Variants in ADCK5 observed in about 807,000 individuals in gnomAD.
ADCK5 encodes the protein aarF domain containing kinase 5.
ADCK5 carries 43 observed loss-of-function variants against 64.9 expected under a neutral mutation model. That is an observed-to-expected ratio of 0.66 (90% CI 0.52 to 0.85). The LOEUF is 0.85. Among genes scored for constraint, ADCK5 ranks in the 40% least tolerant of loss-of-function variants. The pLI is 0.00. For missense variants in ADCK5, 760 were observed against 810.5 expected (o/e 0.94, Z 0.76); for synonymous variants, 434 against 342.8 (o/e 1.27, Z -2.94).
Position 144,383,191 on chromosome 8 carries a change from G to T in ADCK5, c.227G>T (p.Arg76Met). ...YVMAEAREKR[R>M]MRLVVDGMGR... Reference sequence around the variant, plus strand: ...ATGGCAGAGGCACGGGAGAAGAGGAGGATGCGGCTCGTGGTGGATGGCATG... The same window carrying T: ...ATGGCAGAGGCACGGGAGAAGAGGATGATGCGGCTCGTGGTGGATGGCATG... The change falls in exon 3 of 15, where the codon AGG becomes ATG. Residue 76 changes from arginine (R) to methionine (M), a missense_variant. By Grantham distance (91) the Arg-to-Met change is moderately conservative. Transcript: ENST00000308860. 1 of 1,600,860 alleles carries T rather than the reference G, an allele frequency of 6.2e-7. No homozygotes were observed. The highest frequency in any genetic ancestry group is 8.5e-7 in the Non-Finnish European group (1 of 1,173,112).
In ADCK5 at chr8:144,392,468, C is replaced by T; in HGVS notation, c.1291C>T (p.Leu431Phe). ...AGACTACCTCCTGTTCGCCGAGATG[C>T]TCATGCAGCGCCCCGTGCGCCTGGG... is the stretch of plus-strand genomic sequence containing the variant. ...VQDYLLFAEM[L>F]MQRPVRLGQL... Residue 431 changes from leucine to phenylalanine, a missense_variant, in exon 13 of 15, where the codon CTC becomes TTC. By Grantham distance (22) the Leu-to-Phe change is conservative (BLOSUM62 0). Transcript: ENST00000308860. 7.9e-7 allele frequency: 1 copy of T among 1,269,322 alleles called. No homozygotes were observed. The highest frequency in any genetic ancestry group is 1.0e-6 in the Non-Finnish European group (1 of 975,918). The allele number at this position is 1,269,322 out of a possible 1,614,324, so 78.6% of individuals were successfully genotyped here. A position where few individuals can be genotyped will look rare whatever the true frequency, so the allele number is the denominator to read the frequency against.
At chr8:144,392,414 CCCCT>C (rs202063131) in intron 12 of ADCK5, 27 bp from the exon 13 acceptor site, 22,525 of 1,423,654 alleles carry the variant, frequency 0.016, 269 homozygotes, top group African/African-American at 0.073. Flanking sequence ...CACTCAGAGC[CCCCT>C]CCCTCCCTCC....
rs782538710 is a variant in ADCK5, at chr8:144,391,136, G to A, written c.546G>A (p.Val182=). 9 of 1,610,796 alleles carry A rather than the reference G, an allele frequency of 5.6e-6. No homozygotes were observed. The highest frequency in any genetic ancestry group is 7.6e-6 in the Non-Finnish European group (9 of 1,179,986). The change falls in exon 6 of 15, where the codon GTG becomes GTA. Residue 182 remains valine, a splice_region_variant and synonymous_variant. Transcript: ENST00000308860. ...GCTCTGAGCACCTGTCCTTCCAGGT[G>A]GATGAGTTGTTCCTTGAGGACTTCC... ...DRALKRGFQE[V]DELFLEDFQA...
chr8:144,385,372 C>G (rs1819870526), intron 3 of ADCK5, among the ~76,000 whole-genome samples: 2 of 151,594 alleles, frequency 1.3e-5, no homozygotes, highest in Non-Finnish European at 2.9e-5. Flanking sequence ...TTAGTAGAGA[C>G]AGGGTTTCGT....
chr8:144,386,784 A>G (rs1554859364), intron 3 of ADCK5, among the ~76,000 whole-genome samples: 1 of 152,216 alleles, frequency 6.6e-6, no homozygotes, highest in Non-Finnish European at 1.5e-5. Flanking sequence ...GTGGGCCCCA[A>G]AGTGGTGGGT....
At chr8:144,386,093 C>T (rs1188001102) in intron 3 of ADCK5, among the ~76,000 whole-genome samples, 9 of 151,744 alleles carry the variant, frequency 5.9e-5, no homozygotes, top group Non-Finnish European at 1.0e-4. Flanking sequence ...ACTGCAACCT[C>T]CATATCCCAG....
chr8:144,377,441 A>G (rs1554857350), intron 1 of ADCK5: 1 of 152,106 alleles, frequency 6.6e-6, no homozygotes, highest in East Asian at 1.9e-4. Context: ...TCCGCCTACC[A>G]AGATCAAGCG....
rs372452014 is a variant in ADCK5, at chr8:144,391,351, C to A, written c.685-10C>A. 1.2e-4 allele frequency: 196 copies of A among 1,613,044 alleles called. No homozygotes were observed. Among genetic ancestry groups the A allele is most frequent in the Non-Finnish European group, 1.6e-4 (185 of 1,179,982 alleles). On this transcript the variant is annotated splice_polypyrimidine_tract_variant and intron_variant, in intron 6 of 14. Transcript: ENST00000308860. ...GCCCCAAGTTCTCACCACACCCTCG[C>A]CCAGTGCAGGTGCAGTACATCGACC... is the stretch of plus-strand genomic sequence containing the variant.
rs374190109 is a variant in ADCK5 at position 144,376,430 on chromosome 8, G to A, written c.12+2323G>A. 7.9e-5 allele frequency among the ~76,000 whole-genome samples: 12 copies of A among 152,306 alleles called. No homozygotes were observed. The highest frequency in any genetic ancestry group is 2.6e-4 in the African/African-American group (11 of 41,570). On this transcript the variant is annotated intron_variant, in intron 1 of 14. Coordinates refer to ENST00000308860, the MANE Select transcript of ADCK5 (RefSeq NM_174922.5). The surrounding 1 kb of genome is among the most constrained non-coding windows in gnomAD (Gnocchi z 5.1). Reference sequence around the variant, plus strand: ...CGTGAGCATGAGCAAGGCTGCTGGTGGACCAGGGTAGGGTGATGGTGGCCC... The same window carrying A: ...CGTGAGCATGAGCAAGGCTGCTGGTAGACCAGGGTAGGGTGATGGTGGCCC...
rs1820247678 is a variant in ADCK5, at chr8:144,391,831, G to C, written c.979G>C (p.Glu327Gln). 1.3e-6 allele frequency: 2 copies of C among 1,577,568 alleles called. No individual in the cohort carries two copies. The highest frequency in any genetic ancestry group is 4.6e-5 in the East Asian group (2 of 43,822). ...CGCCGGCTGCAAGGTCAACGATGTG[G>C]AGGCCATCAGGAGCCAGGGGCTGGC... ...FCAGCKVNDV[E>Q]AIRSQGLAVH... The change falls in exon 9 of 15, where the codon GAG (glutamate) becomes CAG (glutamine). Residue 327 changes from glutamate (E) to glutamine (Q), a missense_variant. By Grantham distance (29) the Glu-to-Gln change is conservative. Around this residue, in one of 2 missense-constraint regions of ADCK5, gnomAD observed 427 missense variants for 518.4 expected, o/e 0.82. Transcript: ENST00000308860.
intron 1 of ADCK5, among the ~76,000 whole-genome samples, chr8:144,378,187 G>T: frequency 6.6e-6 from 1 of 152,156 alleles, no homozygotes; most frequent in East Asian, 1.9e-4. Context: ...TTTCCATTAC[G>T]GAATCAAAGA....
intron 3 of ADCK5, among the ~76,000 whole-genome samples, chr8:144,388,625 C>T (rs1282531878): frequency 6.6e-6 from 1 of 151,078 alleles, no homozygotes; most frequent in African/African-American, 2.4e-5. Flanking sequence ...ATTAGCCGGG[C>T]GTGGTGTTGG....
At chr8:144,379,618 A>G (rs1819513170) in intron 2 of ADCK5, 128 bp downstream of exon 2, 2 of 780,478 alleles carry the variant, frequency 2.6e-6, no homozygotes, top group East Asian at 3.0e-5. Context: ...AAGGCAGGAT[A>G]TGTTTGCTCC....
chr8:144,389,383 T>C (rs1343742510), intron 3 of ADCK5: 1 of 456,054 alleles, frequency 2.2e-6, no homozygotes, highest in African/African-American at 2.0e-5. Flanking sequence ...CCCTGCCCCC[T>C]TGCTGCCATC....
At position 144,383,204 on chromosome 8, in the gene ADCK5, G is replaced by A. The variant is rs1819757734; in HGVS notation, c.240G>A (p.Val80=). Residue 80 remains valine (V), a synonymous_variant, in exon 3 of 15, where the codon GTG becomes GTA. Coordinates refer to ENST00000308860, the MANE Select transcript of ADCK5 (RefSeq NM_174922.5). ...EAREKRRMRL[V]VDGMGRFGRS... ...GGGAGAAGAGGAGGATGCGGCTCGT[G>A]GTGGATGGCATGGGGCGCTTTGGCA... 6.3e-7 allele frequency: 1 copy of A among 1,594,702 alleles called. No homozygotes were observed.
At chr8:144,382,758 G>A (rs985923964) in intron 2 of ADCK5, among the ~76,000 whole-genome samples, 9 of 152,210 alleles carry the variant, frequency 5.9e-5, no homozygotes, top group African/African-American at 2.2e-4. Flanking sequence ...ACCACGGTCC[G>A]TGAGGAGCAC....
In ADCK5 at chr8:144,393,131, G is replaced by T; in HGVS notation, c.*57G>T. On this transcript the variant is annotated 3_prime_UTR_variant, in exon 15 of 15. Transcript: ENST00000308860. ...TTCACCTTGGGCTGACGGAGGTGGC[G>T]GGGCTAGAGGTGTAGACACCCCGAG... 6.9e-7 allele frequency: 1 copy of T among 1,453,520 alleles called. No individual in the cohort carries two copies. Among genetic ancestry groups the T allele is most frequent in the African/African-American group, 1.4e-5 (1 of 70,494 alleles). 90.0% of individuals were successfully genotyped at this position (1,453,520 alleles called of 1,614,324 possible).
upstream of ADCK5, chr8:144,373,100 T>C (rs1554856365): frequency 6.6e-6 from 1 of 152,510 alleles, no homozygotes. Context: ...TTTCAGCTAC[T>C]GTGGCACCCT....
At chr8:144,390,422 C>G (rs1820158449) in intron 3 of ADCK5, among the ~76,000 whole-genome samples, 2 of 152,264 alleles carry the variant, frequency 1.3e-5, no homozygotes, top group Non-Finnish European at 2.9e-5. Flanking sequence ...AGCCACCACA[C>G]CTGGCCCCGT....
Sources: allele counts gnomAD v4.1 joint callset (sites outside exome capture counted in the v4.1 genomes callset), GRCh38; gene constraint gnomAD v4.1.1; regional missense constraint gnomAD v4.1.1; non-coding constraint Gnocchi (gnomAD v3.1); transcripts MANE v1.5; gene names NCBI Gene and HGNC (gene_info 2026-07-23, HGNC 2026-07-21).